Variants in SLC7A6 observed in about 807,000 individuals in gnomAD.
The protein encoded by SLC7A6 is solute carrier family 7 member 6.
SLC7A6 carries 29 observed loss-of-function variants against 46.6 expected under a neutral mutation model. That is an observed-to-expected ratio of 0.62 (90% CI 0.46 to 0.85). The LOEUF is 0.85. Ranked by LOEUF, SLC7A6 falls within the 40% of genes least tolerant of loss-of-function variation. The pLI, the probability that SLC7A6 is intolerant of heterozygous loss-of-function variation, is 0.00. For synonymous variants in SLC7A6, 276 were observed against 257.3 expected (o/e 1.07, Z -0.70); for missense variants, 527 against 647.6 (o/e 0.81, Z 2.02).
chr16:68,297,052 G>C (rs925481304), intron 10 of SLC7A6, among the ~76,000 whole-genome samples, 182 bp from the exon 11 acceptor site: 2 of 152,226 alleles, frequency 1.3e-5, no homozygotes, highest in South Asian at 4.1e-4. Flanking sequence ...TTGTGCATCA[G>C]ACTCTGGTTG....
In SLC7A6 at chr16:68,268,713, A is replaced by AT. The variant is rs1422673135; in HGVS notation, c.-37+1999dup. 9.2e-5 allele frequency among the ~76,000 whole-genome samples: 14 copies of AT among 152,280 alleles called. 2 individuals are homozygous for AT. The highest frequency in any genetic ancestry group is 8.5e-4 in the Admixed American group (13 of 15,292). ...CTGCAGGAATTTAAAATTTTTAAAA[A>AT]TTTTTTTGTTGGCTGGGTGTGGTGG... On this transcript the variant is annotated intron_variant, in intron 2 of 10. Coordinates refer to ENST00000219343, the MANE Select transcript of SLC7A6 (RefSeq NM_003983.6).
intron 2 of SLC7A6, among the ~76,000 whole-genome samples, chr16:68,272,768 C>T (rs183673614): frequency 1.4e-4 from 22 of 152,290 alleles, no homozygotes; most frequent in Non-Finnish European, 2.6e-4. Flanking sequence ...TGGAATAGGG[C>T]GAGCTGTATT....
chr16:68,287,537 G>T, intron 3 of SLC7A6: 2 of 1,435,690 alleles, frequency 1.4e-6, no homozygotes, highest in Non-Finnish European at 1.8e-6. Context: ...TCATATCCTT[G>T]AGCACCAGTA....
chr16:68,278,940 C>A (rs931190823), intron 3 of SLC7A6, among the ~76,000 whole-genome samples: 6 of 151,736 alleles, frequency 4.0e-5, no homozygotes, highest in African/African-American at 7.3e-5. Context: ...GGCGGAGGCG[C>A]CCCCCACCTC....
At chr16:68,294,402 G>T (rs1047741338) in intron 7 of SLC7A6, among the ~76,000 whole-genome samples, 1 of 152,220 alleles carries the variant, frequency 6.6e-6, no homozygotes, top group East Asian at 1.9e-4. Context: ...TGACAGCAGG[G>T]TGAGGCATCT....
At position 68,291,574 on chromosome 16, in the gene SLC7A6, C is replaced by T. The variant is rs922598962; in HGVS notation, c.935C>T (p.Thr312Met). ...DAVAVTFADQ[T>M]FGMFSWTIPI... ...TGCCCCCAGACATTTGCTGACCAGA[C>T]GTTTGGCATGTTCAGCTGGACCATC... The change falls in exon 7 of 11, where the codon ACG becomes ATG. Residue 312 changes from threonine to methionine, a missense_variant. Transcript: ENST00000219343. 179 of 1,614,024 alleles carry T rather than the reference C, an allele frequency of 1.1e-4. No homozygotes were observed. Among genetic ancestry groups the T allele is most frequent in the Non-Finnish European group, 1.5e-4 (174 of 1,180,032 alleles).
At chr16:68,284,885 A>T in intron 3 of SLC7A6, among the ~76,000 whole-genome samples, 1 of 42,084 alleles carries the variant, frequency 2.4e-5, no homozygotes. Flanking sequence ...TTTAGAGACA[A>T]GTTCTCACTC....
In SLC7A6 at chr16:68,300,643, A is replaced by C. The variant is rs752059048; in HGVS notation, c.*3315A>C. 54 of 985,342 alleles carry C rather than the reference A, an allele frequency of 5.5e-5. No homozygotes were observed. Among genetic ancestry groups the C allele is most frequent in the Non-Finnish European group, 6.5e-5 (54 of 829,934 alleles). The allele number at this position is 985,342 out of a possible 1,614,324, so 61.0% of individuals were successfully genotyped here. A position where few individuals can be genotyped will look rare whatever the true frequency, so the allele number is the denominator to read the frequency against. ...CATGTTCAAAGCTAGATTTTACTAA[A>C]CACATGTATCACATTCATATATATT... On this transcript the variant is annotated 3_prime_UTR_variant, in exon 11 of 11. Coordinates refer to ENST00000219343, the MANE Select transcript of SLC7A6 (RefSeq NM_003983.6).
rs150246220 is a variant in SLC7A6 at position 68,290,452 on chromosome 16, C to T, written c.706C>T (p.Leu236Phe). ...FEGSSWDMGNLSLALYSALFS... is the reference protein window; with the variant it reads ...FEGSSWDMGNFSLALYSALFS... The stretch of plus-strand genomic sequence containing the variant: ...GGGTTCCTCCTGGGACATGGGAAAC[C>T]TCTCTCTTGCCCTCTACTCTGCCCT... Residue 236 changes from leucine (L) to phenylalanine (F), a missense_variant, in exon 5 of 11, where the codon CTC (leucine) becomes TTC (phenylalanine). By Grantham distance (22) the Leu-to-Phe change is conservative (BLOSUM62 0). Transcript: ENST00000219343. 182 of 1,614,180 alleles carry T rather than the reference C, an allele frequency of 1.1e-4. No individual in the cohort carries two copies. The African/African-American group carries it at 2.3e-3, about 21-fold the overall frequency.
intron 4 of SLC7A6, chr16:68,290,085 A>G: frequency 3.7e-6 from 1 of 271,966 alleles, no homozygotes; most frequent in Non-Finnish European, 6.9e-6. Context: ...GAGGGCGGCC[A>G]AGAATGTCTT....
intron 2 of SLC7A6, among the ~76,000 whole-genome samples, chr16:68,272,327 G>A (rs1376994574): frequency 2.0e-5 from 3 of 152,154 alleles, no homozygotes; most frequent in African/African-American, 7.2e-5. Context: ...CTACTCATGA[G>A]GCCGAGATAG....
At chr16:68,294,248 C>T (rs2043117028) in intron 7 of SLC7A6, among the ~76,000 whole-genome samples, 1 of 152,162 alleles carries the variant, frequency 6.6e-6, no homozygotes, top group African/African-American at 2.4e-5. Flanking sequence ...GAAAGGAAGC[C>T]TGGGTTGTCT....
chr16:68,277,433 C>T (rs889952425), intron 3 of SLC7A6, among the ~76,000 whole-genome samples: 22 of 151,576 alleles, frequency 1.5e-4, no homozygotes, highest in Admixed American at 2.6e-4. Flanking sequence ...CTCAGCCTCC[C>T]GAGTAGCCCG....
At chr16:68,289,489 G>T (rs907640141) in intron 4 of SLC7A6, among the ~76,000 whole-genome samples, 2 of 152,094 alleles carry the variant, frequency 1.3e-5, no homozygotes, top group Non-Finnish European at 2.9e-5. Flanking sequence ...CCACTGCTGT[G>T]TATGAGAATG....
At chr16:68,268,837 G>T (rs1309073438) in intron 2 of SLC7A6, among the ~76,000 whole-genome samples, 1 of 151,830 alleles carries the variant, frequency 6.6e-6, no homozygotes, top group African/African-American at 2.4e-5. Flanking sequence ...GTGAAACCCC[G>T]TCTCTACTAA....
Position 68,274,890 on chromosome 16 carries a change from T to G in SLC7A6, c.164T>G (p.Val55Gly). 1 of 1,614,162 alleles carries G rather than the reference T, an allele frequency of 6.2e-7. No individual in the cohort carries two copies. The highest frequency in any genetic ancestry group is 8.5e-7 in the Non-Finnish European group (1 of 1,180,034). Residue 55 changes from valine to glycine, a missense_variant, in exon 3 of 11, where the codon GTG becomes GGG. Transcript: ENST00000219343. ...CTGCTGAATGGGGTCAGCCTGGTGG[T>G]GGGCAACATGATCGGCTCAGGGATC... ...ISLLNGVSLV[V>G]GNMIGSGIFV...
rs1289924396 is a variant in SLC7A6 at position 68,299,097 on chromosome 16, C to T, written c.*1769C>T. ...ACTGTCATGGGTTTGGGATTTGTAA[C>T]GGCAAATTCCTGCCCGACGACAGGG... On this transcript the variant is annotated 3_prime_UTR_variant, in exon 11 of 11. Transcript: ENST00000219343. 3.9e-5 allele frequency: 6 copies of T among 152,610 alleles called. No individual in the cohort carries two copies. The highest frequency in any genetic ancestry group is 9.7e-5 in the African/African-American group (4 of 41,436). 9.5% of individuals were successfully genotyped at this position (152,610 alleles called of 1,614,324 possible).
intron 2 of SLC7A6, among the ~76,000 whole-genome samples, chr16:68,270,253 T>G (rs1304035697): frequency 6.6e-6 from 1 of 152,156 alleles, no homozygotes; most frequent in Non-Finnish European, 1.5e-5. Context: ...GAGTGGATCT[T>G]TCTGGGTGCT....
Position 68,275,399 on chromosome 16 carries a change from C to G in SLC7A6, c.523+150C>G. The stretch of plus-strand genomic sequence containing the variant: ...TCACCTGAGGTTGGGAGTTCGAGAC[C>G]AGCCTGACCAACATGGAGAAACCCC... On this transcript the variant is annotated intron_variant, in intron 3 of 10. Transcript: ENST00000219343. 3 of 903,610 alleles carry G rather than the reference C, an allele frequency of 3.3e-6. No individual in the cohort carries two copies. The East Asian group carries it at 7.6e-5, about 23-fold the overall frequency. The allele number at this position is 903,610 out of a possible 1,614,324, so 56.0% of individuals were successfully genotyped here. A position where few individuals can be genotyped will look rare whatever the true frequency, so the allele number is the denominator to read the frequency against.
Sources: gnomAD v4.1 joint callset for allele counts (sites outside exome capture counted in the v4.1 genomes callset) on GRCh38, gnomAD v4.1.1 for gene constraint, MANE v1.5 for transcripts, NCBI Gene and HGNC (gene_info 2026-07-23, HGNC 2026-07-21) for gene names.